The following CHCHD6 variants were observed in gnomAD, a reference collection of about 807,000 sequenced individuals.
The protein encoded by CHCHD6 is MICOS complex subunit MIC25.
In CHCHD6, 28 loss-of-function variants were observed where a neutral mutation model predicts 32.3. That is an observed-to-expected ratio of 0.87 (90% CI 0.64 to 1.19). The LOEUF (loss-of-function observed/expected upper bound fraction) is 1.19, where lower values mean the gene tolerates loss of function less well. CHCHD6 is among the 50% of genes most tolerant of loss of function. CHCHD6 has a pLI of 0.00. For synonymous variants in CHCHD6, 122 were observed against 117.5 expected (o/e 1.04, Z -0.25); for missense variants, 333 against 307.0 (o/e 1.08, Z -0.63).
chr3:126,882,958 G>T (rs1022863227), intron 5 of CHCHD6, among the ~76,000 whole-genome samples: 1 of 152,210 alleles, frequency 6.6e-6, no homozygotes, highest in East Asian at 1.9e-4. Flanking sequence ...TGCAGGATTC[G>T]AGGGTTGGGA....
At chr3:126,945,524 G>T (rs1352185037) in intron 6 of CHCHD6, among the ~76,000 whole-genome samples, 3 of 148,510 alleles carry the variant, frequency 2.0e-5, no homozygotes, top group Non-Finnish European at 3.0e-5. Flanking sequence ...TGGGAGGGGG[G>T]AGACTTGAAT....
chr3:126,837,711 G>A (rs1940916007), intron 4 of CHCHD6, among the ~76,000 whole-genome samples: 1 of 152,184 alleles, frequency 6.6e-6, no homozygotes, highest in Non-Finnish European at 1.5e-5. Flanking sequence ...GTTTCATGAG[G>A]TGTCACTGAT....
At chr3:126,849,265 A>T (rs1215410832) in intron 4 of CHCHD6, among the ~76,000 whole-genome samples, 1 of 152,250 alleles carries the variant, frequency 6.6e-6, no homozygotes, top group East Asian at 1.9e-4. Context: ...CACGATAAAG[A>T]GGGTTCCTGA....
intron 6 of CHCHD6, among the ~76,000 whole-genome samples, chr3:126,924,745 G>A (rs535840285): frequency 3.9e-5 from 6 of 152,294 alleles, no homozygotes; most frequent in Admixed American, 6.5e-5. Context: ...CTCAGTTTGC[G>A]GACATGTGAA....
At chr3:126,709,337 C>G (rs1934645944) in intron 1 of CHCHD6, among the ~76,000 whole-genome samples, 1 of 152,112 alleles carries the variant, frequency 6.6e-6, no homozygotes, top group Admixed American at 6.5e-5. Context: ...GAATGGTATC[C>G]TGTTGTATGT....
intron 4 of CHCHD6, among the ~76,000 whole-genome samples, chr3:126,820,803 T>C (rs541211044): frequency 2.0e-5 from 3 of 152,248 alleles, no homozygotes; most frequent in African/African-American, 7.2e-5. Context: ...TCCACATTCC[T>C]ACCACCATTT....
chr3:126,867,583 T>C (rs1942330614), intron 5 of CHCHD6, among the ~76,000 whole-genome samples: 1 of 152,230 alleles, frequency 6.6e-6, no homozygotes, highest in Non-Finnish European at 1.5e-5. Flanking sequence ...CTCTTCTCTG[T>C]CCAGCCTTGA....
chr3:126,812,442 C>CT (rs200692275), intron 4 of CHCHD6, among the ~76,000 whole-genome samples: 5 of 148,922 alleles, frequency 3.4e-5, no homozygotes, highest in Non-Finnish European at 5.9e-5. Context: ...CATCTCAGTT[C>CT]TTTTTTTTTC....
intron 1 of CHCHD6, among the ~76,000 whole-genome samples, chr3:126,725,344 TTGAA>T (rs1449150600): frequency 6.6e-6 from 1 of 152,234 alleles, no homozygotes; most frequent in Non-Finnish European, 1.5e-5. Context: ...CAGTAATATT[TTGAA>T]TGGATTCTTT....
At chr3:126,954,663 G>A (rs879698383) in intron 6 of CHCHD6, among the ~76,000 whole-genome samples, 21 of 152,200 alleles carry the variant, frequency 1.4e-4, no homozygotes, top group South Asian at 6.2e-4. Flanking sequence ...TGGCCTCCAC[G>A]GTGCAGCCAG....
At chr3:126,911,495 C>A (rs562018019) in intron 5 of CHCHD6, among the ~76,000 whole-genome samples, 1 of 152,154 alleles carries the variant, frequency 6.6e-6, no homozygotes, top group African/African-American at 2.4e-5. Context: ...AAGGGAGCTG[C>A]GGTTGTGAGG....
chr3:126,881,401 G>T (rs60502042), intron 5 of CHCHD6, among the ~76,000 whole-genome samples: 1 of 152,126 alleles, frequency 6.6e-6, no homozygotes, highest in African/African-American at 2.4e-5. Context: ...CTCTGTGCTG[G>T]ACATGCTGAG....
chr3:126,887,640 C>T (rs1267426673), intron 5 of CHCHD6, among the ~76,000 whole-genome samples: 1 of 152,150 alleles, frequency 6.6e-6, no homozygotes, highest in Non-Finnish European at 1.5e-5. Context: ...CCTCCTATTC[C>T]CATCGGCCTT....
At chr3:126,708,368 T>C (rs1934599472) in intron 1 of CHCHD6, among the ~76,000 whole-genome samples, 1 of 152,130 alleles carries the variant, frequency 6.6e-6, no homozygotes, top group Admixed American at 6.5e-5. Context: ...GAGGGTAGGA[T>C]GCTTGAGGAT....
intron 1 of CHCHD6, 91 bp downstream of exon 1, chr3:126,704,490 A>C: frequency 2.5e-6 from 2 of 788,202 alleles, no homozygotes; most frequent in Non-Finnish European, 3.6e-6. Flanking sequence ...GGCTCTTTCC[A>C]CGCGTGAGGG....
chr3:126,723,429 G>C (rs778030406), intron 1 of CHCHD6, among the ~76,000 whole-genome samples: 5 of 152,102 alleles, frequency 3.3e-5, no homozygotes, highest in Non-Finnish European at 7.4e-5. Context: ...TGTCTTATGT[G>C]CATGCATGTG....
intron 5 of CHCHD6, among the ~76,000 whole-genome samples, chr3:126,879,844 G>A (rs2077585943): frequency 6.6e-6 from 1 of 152,218 alleles, no homozygotes; most frequent in African/African-American, 2.4e-5. Flanking sequence ...TTGTCGTAAT[G>A]ACTGCCGTGA....
chr3:126,877,092 A>G (rs1210024790), intron 5 of CHCHD6, among the ~76,000 whole-genome samples: 1 of 152,208 alleles, frequency 6.6e-6, no homozygotes, highest in Non-Finnish European at 1.5e-5. Flanking sequence ...GGAAAAAGAT[A>G]GAAGTGTTTG....
At chr3:126,838,024 G>A (rs1207019094) in intron 4 of CHCHD6, among the ~76,000 whole-genome samples, 1 of 152,214 alleles carries the variant, frequency 6.6e-6, no homozygotes, top group Non-Finnish European at 1.5e-5. Flanking sequence ...CCACAGTGCA[G>A]ATGGGGCGGG....
Sources: allele counts gnomAD v4.1 joint callset (sites outside exome capture counted in the v4.1 genomes callset), GRCh38; gene constraint gnomAD v4.1.1; transcripts MANE v1.5; gene names NCBI Gene and HGNC (gene_info 2026-07-23, HGNC 2026-07-21).